LIMCH1: variants seen among roughly 807,000 people sequenced by gnomAD.
LIMCH1 encodes LIM and calponin homology domains-containing protein 1.
LIMCH1 carries 113 observed loss-of-function variants against 176.5 expected under a neutral mutation model. The observed-to-expected ratio is 0.64, with a 90% CI of 0.55 to 0.75. LIMCH1 has a LOEUF of 0.75. Among genes scored for constraint, LIMCH1 ranks in the 30% least tolerant of loss-of-function variants. LIMCH1 has a pLI of 0.00. For missense variants in LIMCH1, 1,674 were observed against 1,814.9 expected, an observed-to-expected ratio of 0.92 and a Z score of 1.41; for synonymous variants, 619 against 645.9, an observed-to-expected ratio of 0.96 and a Z score of 0.63.
At chr4:41,695,417 T>C (rs1729866068) in intron 31 of LIMCH1, among the ~76,000 whole-genome samples, 1 of 151,866 alleles carries the variant, frequency 6.6e-6, no homozygotes, top group Non-Finnish European at 1.5e-5. Flanking sequence ...CTGATTTTTT[T>C]TCCAGTTAGC....
intron 1 of LIMCH1, among the ~76,000 whole-genome samples, chr4:41,363,108 T>TA (rs1407045215): frequency 7.2e-5 from 11 of 152,318 alleles, no homozygotes; most frequent in African/African-American, 2.6e-4. Context: ...AGGGGAAAGA[T>TA]AGAGACCTCC....
chr4:41,644,570 G>A lies in LIMCH1; in HGVS notation c.2197G>A (p.Glu733Lys). 1 of 1,610,344 alleles carries A rather than the reference G, an allele frequency of 6.2e-7. No homozygotes were observed. The change falls in exon 15 of 32, where the codon GAG (glutamate) becomes AAG (lysine). Residue 733 changes from glutamate (E) to lysine (K), a missense_variant. Around this residue, in one of 3 missense-constraint regions of LIMCH1, gnomAD observed 1,015 missense variants for 1,102.5 expected, o/e 0.92. Coordinates refer to ENST00000503057, the MANE Select transcript of LIMCH1 (RefSeq NM_001330672.2). ...AVQPHSRARQ[E>K]QLQLINNQLR... ...GCAGCCGCACAGCAGGGCCCGCCAG[G>A]AGCAGCTGCAGCTGATAAATAACCA...
chr4:41,463,418 T>C (rs1379720971), intron 1 of LIMCH1, among the ~76,000 whole-genome samples: 1 of 152,068 alleles, frequency 6.6e-6, no homozygotes. Flanking sequence ...GTGATAAATG[T>C]CTAGAATCCA....
At chr4:41,659,357 C>T (rs1450726000) in intron 18 of LIMCH1, among the ~76,000 whole-genome samples, 1 of 152,064 alleles carries the variant, frequency 6.6e-6, no homozygotes, top group African/African-American at 2.4e-5. Flanking sequence ...TTAGAAAATG[C>T]CCATCTAATT....
chr4:41,646,965 C>T, intron 17 of LIMCH1, 72 bp downstream of exon 17: 4 of 1,336,402 alleles, frequency 3.0e-6, no homozygotes, highest in Non-Finnish European at 4.1e-6. Context: ...CATCATGACT[C>T]AAGAAAATGT....
intron 1 of LIMCH1, among the ~76,000 whole-genome samples, chr4:41,557,578 T>G (rs2081447740): frequency 9.3e-6 from 1 of 107,110 alleles, no homozygotes; most frequent in Non-Finnish European, 1.8e-5. Flanking sequence ...GTGTGTGTAA[T>G]TAGAATGATG....
intron 1 of LIMCH1, among the ~76,000 whole-genome samples, chr4:41,494,383 A>G (rs1335122348): frequency 2.0e-5 from 3 of 150,886 alleles, no homozygotes; most frequent in Non-Finnish European, 2.9e-5. Flanking sequence ...ATATACACAT[A>G]CATACATATA....
At chr4:41,558,774 T>C (rs920678705) in intron 1 of LIMCH1, among the ~76,000 whole-genome samples, 3 of 152,208 alleles carry the variant, frequency 2.0e-5, no homozygotes, top group Non-Finnish European at 4.4e-5. Context: ...CCATTTTCTA[T>C]GAACCCCTTC....
At chr4:41,408,836 A>G (rs2059224238) in intron 1 of LIMCH1, among the ~76,000 whole-genome samples, 1 of 152,206 alleles carries the variant, frequency 6.6e-6, no homozygotes, top group South Asian at 2.1e-4. Context: ...AGAGGGGACA[A>G]CTATTGGCCC....
chr4:41,491,541 G>A (rs533757027), intron 1 of LIMCH1, among the ~76,000 whole-genome samples: 5 of 151,224 alleles, frequency 3.3e-5, no homozygotes, highest in African/African-American at 1.2e-4. Context: ...ATACTGGGCG[G>A]CCGGGTAGAG....
chr4:41,438,959 C>G (rs1334876515), intron 1 of LIMCH1, among the ~76,000 whole-genome samples: 8 of 152,172 alleles, frequency 5.3e-5, no homozygotes, highest in Non-Finnish European at 1.2e-4. Context: ...ATTCACAGAT[C>G]ATGCTTGAAA....
At chr4:41,521,064 C>G (rs1244853396) in intron 2 of LIMCH1, among the ~76,000 whole-genome samples, 1 of 152,178 alleles carries the variant, frequency 6.6e-6, no homozygotes, top group African/African-American at 2.4e-5. Context: ...AACAGACACT[C>G]TCTTCCATTT....
chr4:41,585,017 T>G (rs2086192474), intron 1 of LIMCH1, among the ~76,000 whole-genome samples: 1 of 152,174 alleles, frequency 6.6e-6, no homozygotes, highest in African/African-American at 2.4e-5. Context: ...CTGGGGTCTC[T>G]TTTAAAAGGG....
chr4:41,421,949 G>A (rs2060638055), intron 1 of LIMCH1, among the ~76,000 whole-genome samples: 1 of 152,002 alleles, frequency 6.6e-6, no homozygotes, highest in Non-Finnish European at 1.5e-5. Context: ...CAGGTGTGGT[G>A]GCATGCACCT....
intron 7 of LIMCH1, among the ~76,000 whole-genome samples, chr4:41,621,622 C>T (rs1009585569): frequency 1.3e-5 from 2 of 152,202 alleles, no homozygotes; most frequent in South Asian, 2.1e-4. Flanking sequence ...CTGCCTCAGC[C>T]TCCCAAGTAG....
chr4:41,577,332 G>T (rs1264825760), intron 1 of LIMCH1, among the ~76,000 whole-genome samples: 1 of 152,070 alleles, frequency 6.6e-6, no homozygotes, highest in Non-Finnish European at 1.5e-5. Context: ...TTTAGAAAGG[G>T]AGGAAAAATT....
At chr4:41,392,308 T>C (rs138573807) in intron 1 of LIMCH1, among the ~76,000 whole-genome samples, 159 of 152,184 alleles carry the variant, frequency 1.0e-3, no homozygotes, top group African/African-American at 3.6e-3. Context: ...GGAAAGAAAG[T>C]ATTGGAGGGT....
At chr4:41,415,695 G>C (rs756243273) in intron 1 of LIMCH1, among the ~76,000 whole-genome samples, 3 of 152,062 alleles carry the variant, frequency 2.0e-5, no homozygotes, top group Non-Finnish European at 4.4e-5. Context: ...ATTATGCTGG[G>C]AACACAGCGC....
intron 2 of LIMCH1, among the ~76,000 whole-genome samples, chr4:41,523,050 A>G (rs2076276708): frequency 6.6e-6 from 1 of 152,170 alleles, no homozygotes; most frequent in Admixed American, 6.5e-5. Flanking sequence ...GCATGCAAAA[A>G]TGGAATATCC....
Sources: gnomAD v4.1 joint callset for allele counts (sites outside exome capture counted in the v4.1 genomes callset) on GRCh38, gnomAD v4.1.1 for gene constraint, gnomAD v4.1.1 regional missense constraint, MANE v1.5 for transcripts, NCBI Gene and HGNC (gene_info 2026-07-23, HGNC 2026-07-21) for gene names.